The following CNTN5 variants were observed in gnomAD, a reference collection of about 807,000 sequenced individuals.
CNTN5 encodes contactin-5.
CNTN5 carries 77 observed loss-of-function variants against 129.1 expected under a neutral mutation model. The ratio of observed to expected loss-of-function variants is 0.60; its 90% CI spans 0.50 to 0.72. CNTN5 has a LOEUF of 0.72. CNTN5 is among the 30% of genes least tolerant of loss of function. The pLI, the probability that CNTN5 is intolerant of heterozygous loss-of-function variation, is 0.00. For missense variants in CNTN5, 1,478 were observed against 1,328.8 expected (o/e 1.11, Z -1.75); for synonymous variants, 509 against 465.6 (o/e 1.09, Z -1.20).
rs182860015 is a variant in CNTN5, at chr11:99,843,446, G to T, written c.278-1406G>T. 4.7e-3 allele frequency among the ~76,000 whole-genome samples: 720 copies of T among 151,972 alleles called. 5 individuals carry two copies. Among genetic ancestry groups the T allele is most frequent in the African/African-American group, 0.017 (692 of 41,468 alleles). On this transcript the variant is annotated intron_variant, in intron 4 of 24. Coordinates refer to ENST00000524871, the MANE Select transcript of CNTN5 (RefSeq NM_014361.4). Reference sequence around the variant, plus strand: ...AATATAAGGTGTACATCTTTTCCCAGAATTTTTTTTTAGCTCAAATTTCCT... The same window carrying T: ...AATATAAGGTGTACATCTTTTCCCATAATTTTTTTTTAGCTCAAATTTCCT...
At chr11:100,060,180 T>G (rs1000627129) in intron 9 of CNTN5, among the ~76,000 whole-genome samples, 27 of 150,792 alleles carry the variant, frequency 1.8e-4, no homozygotes, top group Non-Finnish European at 1.3e-4. Flanking sequence ...CACTCGAGCC[T>G]TGGCGAAAGA....
At chr11:99,910,800 A>G (rs1949638690) in intron 6 of CNTN5, among the ~76,000 whole-genome samples, 1 of 152,066 alleles carries the variant, frequency 6.6e-6, no homozygotes, top group South Asian at 2.1e-4. Flanking sequence ...TAGAAGGTCA[A>G]AAATAGTTTG....
intron 1 of CNTN5, among the ~76,000 whole-genome samples, chr11:99,260,525 ATC>A (rs1454053456): frequency 1.7e-4 from 26 of 152,048 alleles, no homozygotes; most frequent in African/African-American, 6.0e-4. Flanking sequence ...AGATTCTTTT[ATC>A]TCTTCCTTTA....
intron 2 of CNTN5, among the ~76,000 whole-genome samples, chr11:99,489,386 T>A (rs1325885400): frequency 6.6e-6 from 1 of 152,194 alleles, no homozygotes; most frequent in African/African-American, 2.4e-5. Flanking sequence ...GTTAAAACAA[T>A]GAACTATGAT....
chr11:100,206,120 G>A (rs1948906190), intron 15 of CNTN5, among the ~76,000 whole-genome samples: 1 of 152,078 alleles, frequency 6.6e-6, no homozygotes, highest in Non-Finnish European at 1.5e-5. Context: ...AGGAAGCTGA[G>A]TCAAAGGTAC....
intron 3 of CNTN5, among the ~76,000 whole-genome samples, chr11:99,796,314 G>A (rs866284679): frequency 9.9e-5 from 15 of 152,094 alleles, no homozygotes; most frequent in Admixed American, 5.9e-4. Flanking sequence ...CACTCATAGC[G>A]TGGTGGAGTG....
chr11:99,293,197 T>A (rs966078717), intron 1 of CNTN5, among the ~76,000 whole-genome samples: 2 of 152,178 alleles, frequency 1.3e-5, no homozygotes, highest in Non-Finnish European at 2.9e-5. Context: ...ACGATTTTTA[T>A]CCTTGATTCT....
At chr11:100,334,791 G>A (rs1951994241) in intron 21 of CNTN5, among the ~76,000 whole-genome samples, 1 of 152,060 alleles carries the variant, frequency 6.6e-6, no homozygotes, top group Non-Finnish European at 1.5e-5. Context: ...ATGGTAATGG[G>A]TGGCAAGGGA....
intron 13 of CNTN5, among the ~76,000 whole-genome samples, chr11:100,119,239 T>C (rs1344485524): frequency 1.3e-5 from 2 of 151,908 alleles, no homozygotes; most frequent in African/African-American, 4.8e-5. Flanking sequence ...GGAAACAGGT[T>C]AAGCTAGAAA....
At chr11:100,052,883 A>G (rs562778750) in intron 9 of CNTN5, among the ~76,000 whole-genome samples, 17 of 151,946 alleles carry the variant, frequency 1.1e-4, no homozygotes, top group African/African-American at 4.1e-4. Context: ...GATTAATGCA[A>G]CAGAAGAAAG....
intron 3 of CNTN5, among the ~76,000 whole-genome samples, chr11:99,745,924 CAAG>C (rs1165033197): frequency 6.6e-6 from 1 of 152,038 alleles, no homozygotes; most frequent in Non-Finnish European, 1.5e-5. Flanking sequence ...TAGAACTAGC[CAAG>C]AAGACCAGTG....
At chr11:100,337,956 A>G (rs529204890) in intron 21 of CNTN5, among the ~76,000 whole-genome samples, 2 of 152,244 alleles carry the variant, frequency 1.3e-5, no homozygotes, top group Non-Finnish European at 2.9e-5. Context: ...AGAAAGTCCC[A>G]TAAGTCAATT....
chr11:99,550,218 A>G (rs971630588), intron 2 of CNTN5, among the ~76,000 whole-genome samples: 2 of 152,158 alleles, frequency 1.3e-5, no homozygotes, highest in African/African-American at 4.8e-5. Flanking sequence ...TTGCTTTTCT[A>G]AGATAAACAA....
intron 3 of CNTN5, among the ~76,000 whole-genome samples, chr11:99,668,031 A>C (rs909703894): frequency 6.6e-6 from 1 of 152,218 alleles, no homozygotes; most frequent in Non-Finnish European, 1.5e-5. Flanking sequence ...ATGAATATCC[A>C]GTATGATAGC....
At position 100,048,926 on chromosome 11, in the gene CNTN5, G is replaced by A. The variant is rs573108517; in HGVS notation, c.981-12286G>A. 8.8e-4 allele frequency among the ~76,000 whole-genome samples: 134 copies of A among 152,010 alleles called. 1 individual carries two copies. The South Asian group carries it at 0.013, about 15-fold the overall frequency. Reference sequence around the variant, plus strand: ...TTGATGAAAAACAAAAATAAAAGGAGAATCTTAAATAGTTCACTTGGAGTT... The same window carrying A: ...TTGATGAAAAACAAAAATAAAAGGAAAATCTTAAATAGTTCACTTGGAGTT... On this transcript the variant is annotated intron_variant, in intron 9 of 24. Coordinates refer to ENST00000524871, the MANE Select transcript of CNTN5 (RefSeq NM_014361.4).
chr11:100,232,967 G>A (rs137990171), intron 16 of CNTN5, among the ~76,000 whole-genome samples: 10 of 152,102 alleles, frequency 6.6e-5, no homozygotes, highest in Middle Eastern at 3.4e-3. Context: ...TATGAAAAAC[G>A]TACTATTTTT....
chr11:99,139,898 T>C (rs902577280), intron 1 of CNTN5, among the ~76,000 whole-genome samples: 1 of 152,144 alleles, frequency 6.6e-6, no homozygotes, highest in African/African-American at 2.4e-5. Context: ...ATTGATAATA[T>C]TTGTACTATT....
At chr11:99,737,834 A>G (rs1943760875) in intron 3 of CNTN5, among the ~76,000 whole-genome samples, 1 of 152,152 alleles carries the variant, frequency 6.6e-6, no homozygotes, top group South Asian at 2.1e-4. Flanking sequence ...TTTACCAATC[A>G]GAAGATGCAT....
At chr11:99,586,350 T>G (rs1199693771) in intron 3 of CNTN5, among the ~76,000 whole-genome samples, 1 of 152,126 alleles carries the variant, frequency 6.6e-6, no homozygotes, top group Non-Finnish European at 1.5e-5. Context: ...CGGACATAAC[T>G]CAGCATAATG....
Sources: gnomAD v4.1 joint callset for allele counts (sites outside exome capture counted in the v4.1 genomes callset) on GRCh38, gnomAD v4.1.1 for gene constraint, MANE v1.5 for transcripts, NCBI Gene and HGNC (gene_info 2026-07-23, HGNC 2026-07-21) for gene names.